Variants in ICMT observed in about 807,000 individuals in gnomAD.
ICMT encodes the protein isoprenylcysteine carboxyl methyltransferase.
ICMT carries 10 observed loss-of-function variants against 32.2 expected under a neutral mutation model. The observed-to-expected ratio is 0.31, with a 90% CI of 0.19 to 0.53. The LOEUF is 0.53. Ranked by LOEUF, ICMT falls within the 20% of genes least tolerant of loss-of-function variation. ICMT has a pLI of 0.96. For missense variants in ICMT, 265 were observed against 356.9 expected (o/e 0.74, Z 2.07); for synonymous variants, 183 against 158.2 (o/e 1.16, Z -1.18).
chr1:6,228,696 C>T (rs1420276879), intron 4 of ICMT, among the ~76,000 whole-genome samples: 1 of 152,046 alleles, frequency 6.6e-6, no homozygotes. Context: ...TCTGGTCTCC[C>T]AAAGCCACTG....
intron 4 of ICMT, among the ~76,000 whole-genome samples, chr1:6,228,429 G>A (rs1668678369): frequency 6.6e-6 from 1 of 150,538 alleles, no homozygotes; most frequent in African/African-American, 2.4e-5. Flanking sequence ...TGCAAGCTCC[G>A]CCTCCCGGGT....
intron 4 of ICMT, among the ~76,000 whole-genome samples, chr1:6,228,077 T>C (rs1668672786): frequency 6.6e-6 from 1 of 152,054 alleles, no homozygotes; most frequent in Non-Finnish European, 1.5e-5. Context: ...AAGCAGAAGG[T>C]CTGCTGGAAC....
In ICMT at chr1:6,235,686, C is replaced by T. The variant is rs543065616; in HGVS notation, c.195+31G>A. ...GCCAAGCGGACCGCCGCCCGCCCCG[C>T]CGGCCCCCGCCGGCCCCCGCCGGCC... On this transcript the variant is annotated intron_variant, in intron 1 of 4. Coordinates refer to ENST00000343813, the MANE Select transcript of ICMT (RefSeq NM_012405.4). 208 of 1,152,322 alleles carry T rather than the reference C, an allele frequency of 1.8e-4. 1 individual carries two copies. In the African/African-American group the frequency reaches 3.2e-3, roughly 18 times the overall value. The allele number at this position is 1,152,322 out of a possible 1,614,324, so 71.4% of individuals were successfully genotyped here.
intron 4 of ICMT, among the ~76,000 whole-genome samples, chr1:6,229,778 A>AC (rs1477554912): frequency 1.1e-5 from 1 of 94,172 alleles, no homozygotes; most frequent in Non-Finnish European, 2.1e-5. Flanking sequence ...CATAAATAAA[A>AC]AAAATACACA....
chr1:6,235,149 G>A (rs1215190149), intron 1 of ICMT, among the ~76,000 whole-genome samples, 175 bp from the exon 2 acceptor site: 1 of 152,196 alleles, frequency 6.6e-6, no homozygotes, highest in Admixed American at 6.5e-5. Context: ...CTCTCTGGCT[G>A]TGTGGCCTCC....
chr1:6,229,677 C>G (rs1207433593), intron 4 of ICMT, among the ~76,000 whole-genome samples: 2 of 151,722 alleles, frequency 1.3e-5, no homozygotes, highest in African/African-American at 2.4e-5. Context: ...CACTTGAGCC[C>G]AAGAGGTAGA....
chr1:6,232,659 C>T (rs941218121), intron 3 of ICMT, among the ~76,000 whole-genome samples: 2 of 152,182 alleles, frequency 1.3e-5, no homozygotes, highest in African/African-American at 4.8e-5. Context: ...AGCAATTCTC[C>T]TGCCTCAGCC....
chr1:6,235,746 G>T lies in ICMT; in HGVS notation c.166C>A (p.Leu56Met). The change falls in exon 1 of 5, where the codon CTG becomes ATG. Residue 56 changes from leucine (L) to methionine (M), a missense_variant. By Grantham distance (15) the Leu-to-Met change is conservative (BLOSUM62 2). Coordinates refer to ENST00000343813, the MANE Select transcript of ICMT (RefSeq NM_012405.4). ...LYVAGLNALLLLLYRPPRYQI... is the reference protein window; with the variant it reads ...LYVAGLNALLMLLYRPPRYQI... ...TAGCGAGGCGGCCGATAGAGCAGCA[G>T]CAGCAGCGCGTTGAGCCCGGCCACG... is the stretch of plus-strand genomic sequence containing the variant. 7.5e-7 allele frequency: 1 copy of T among 1,332,216 alleles called. No homozygotes were observed. Among genetic ancestry groups the T allele is most frequent in the Non-Finnish European group, 9.7e-7 (1 of 1,031,902 alleles). The allele number at this position is 1,332,216 out of a possible 1,614,324, so 82.5% of individuals were successfully genotyped here. A position where few individuals can be genotyped will look rare whatever the true frequency, so the allele number is the denominator to read the frequency against.
intron 4 of ICMT, among the ~76,000 whole-genome samples, chr1:6,229,683 G>A (rs1178542957): frequency 4.6e-5 from 7 of 151,632 alleles, no homozygotes; most frequent in African/African-American, 7.3e-5. Context: ...AGCCCAAGAG[G>A]TAGAGGCTGC....
intron 4 of ICMT, 80 bp from the exon 5 acceptor site, chr1:6,225,342 C>T (rs965269716): frequency 6.6e-6 from 9 of 1,368,354 alleles, no homozygotes; most frequent in Middle Eastern, 2.6e-4. Context: ...GTCTCTAATA[C>T]CCAGAGGATT....
At chr1:6,234,166 C>A (rs1000763311) in intron 2 of ICMT, among the ~76,000 whole-genome samples, 1 of 152,114 alleles carries the variant, frequency 6.6e-6, no homozygotes, top group Non-Finnish European at 1.5e-5. Context: ...TGAGCCACCG[C>A]GCCCGGCAAG....
intron 4 of ICMT, among the ~76,000 whole-genome samples, chr1:6,229,028 G>T (rs1472023637): frequency 7.5e-6 from 1 of 132,482 alleles, no homozygotes; most frequent in African/African-American, 3.0e-5. Context: ...GTGAGACTCT[G>T]TCTCAAAAAA....
intron 4 of ICMT, among the ~76,000 whole-genome samples, chr1:6,227,884 T>TG (rs1355364825): frequency 1.3e-5 from 2 of 151,182 alleles, no homozygotes; most frequent in Non-Finnish European, 2.9e-5. Context: ...AATAAGGCTT[T>TG]GGGTTGGGCA....
chr1:6,229,118 A>C (rs1211617284), intron 4 of ICMT, among the ~76,000 whole-genome samples: 2 of 152,056 alleles, frequency 1.3e-5, no homozygotes, highest in African/African-American at 4.8e-5. Flanking sequence ...CGGGTAGATC[A>C]CTCAACCGCA....
chr1:6,230,600 A>AG (rs1433714855), intron 4 of ICMT, among the ~76,000 whole-genome samples: 1 of 150,774 alleles, frequency 6.6e-6, no homozygotes, highest in Non-Finnish European at 1.5e-5. Flanking sequence ...AAAAAAAAAA[A>AG]AAAAAAAAGC....
At position 6,233,614 on chromosome 1, in the gene ICMT, T is replaced by G. The variant is rs200236217; in HGVS notation, c.314A>C (p.Tyr105Ser). 1 of 1,613,236 alleles carries G rather than the reference T, an allele frequency of 6.2e-7. No individual in the cohort carries two copies. Among genetic ancestry groups the G allele is most frequent in the Non-Finnish European group, 8.5e-7 (1 of 1,179,772 alleles). The change falls in exon 3 of 5, where the codon TAT becomes TCT. Residue 105 changes from tyrosine to serine, a missense_variant. Tyr to Ser is a moderately radical substitution (Grantham distance 144). Around this residue, in one of 2 missense-constraint regions of ICMT, gnomAD observed 166 missense variants for 264.3 expected, o/e 0.63. Coordinates refer to ENST00000343813, the MANE Select transcript of ICMT (RefSeq NM_012405.4). The stretch of plus-strand genomic sequence containing the variant: ...GACTGCTGTCACCAAGTATTCAGAA[T>G]AGTGGAACAATGACAGGGAGCACAT... Reference protein sequence around the residue: ...WYMCSLSLFHYSEYLVTAVNN... With the variant: ...WYMCSLSLFHSSEYLVTAVNN...
At chr1:6,233,375 G>A in intron 3 of ICMT, 99 bp downstream of exon 3, 1 of 1,098,794 alleles carries the variant, frequency 9.1e-7, no homozygotes. Flanking sequence ...AAAATCGCTT[G>A]GGGGAGATTA....
chr1:6,232,480 TC>T (rs1301926968), intron 3 of ICMT, among the ~76,000 whole-genome samples: 1 of 152,184 alleles, frequency 6.6e-6, no homozygotes, highest in Non-Finnish European at 1.5e-5. Flanking sequence ...CCACCCTGAA[TC>T]CCAGGAGCCA....
intron 4 of ICMT, among the ~76,000 whole-genome samples, chr1:6,229,783 TACACACACACACACACACACACACAC>T (rs34741419): frequency 2.7e-5 from 4 of 146,704 alleles, no homozygotes; most frequent in South Asian, 2.2e-4. Flanking sequence ...ATAAAAAAAA[TACACACACACACACACACACACACAC>T]ACACACACAC....
Sources: gnomAD v4.1 joint callset for allele counts (sites outside exome capture counted in the v4.1 genomes callset) on GRCh38, gnomAD v4.1.1 for gene constraint, gnomAD v4.1.1 regional missense constraint, MANE v1.5 for transcripts, NCBI Gene and HGNC (gene_info 2026-07-23, HGNC 2026-07-21) for gene names.